The following DAB1 variants were observed in gnomAD, a reference collection of about 807,000 sequenced individuals.
DAB1 encodes the protein DAB adaptor protein 1.
In DAB1, 15 loss-of-function variants were observed where a neutral mutation model predicts 64.6. That is an observed-to-expected ratio of 0.23 (90% CI 0.16 to 0.36). The LOEUF (loss-of-function observed/expected upper bound fraction) is 0.36. Ranked by LOEUF, DAB1 falls within the 10% of genes least tolerant of loss-of-function variation. The pLI, the probability that DAB1 is intolerant of heterozygous loss-of-function variation, is 1.00. For missense variants in DAB1, 596 were observed against 706.7 expected (o/e 0.84, Z 1.78); for synonymous variants, 235 against 251.9 (o/e 0.93, Z 0.64).
intron 5 of DAB1, chr1:58,048,791 A>G: frequency 4.4e-6 from 5 of 1,144,976 alleles, no homozygotes; most frequent in Non-Finnish European, 6.5e-6. Flanking sequence ...TTCACAGTAT[A>G]GTATTTCTGA....
At chr1:57,005,716 T>C (rs1646042385) in intron 14 of DAB1, among the ~76,000 whole-genome samples, 1 of 152,192 alleles carries the variant, frequency 6.6e-6, no homozygotes. Flanking sequence ...TCTGTTTGAG[T>C]GTGTTTGAAT....
chr1:57,934,991 C>T (rs1372226683), intron 5 of DAB1, among the ~76,000 whole-genome samples: 1 of 152,204 alleles, frequency 6.6e-6, no homozygotes, highest in East Asian at 1.9e-4. Flanking sequence ...TTCAGTTTCA[C>T]TCACTTAGCA....
intron 4 of DAB1, among the ~76,000 whole-genome samples, chr1:57,126,067 GT>G: frequency 6.6e-6 from 1 of 152,002 alleles, no homozygotes; most frequent in Non-Finnish European, 1.5e-5. Flanking sequence ...GTTTCTCTTT[GT>G]TTAAAATTCT....
At chr1:57,131,083 T>G (rs1219337227) in intron 4 of DAB1, among the ~76,000 whole-genome samples, 2 of 152,184 alleles carry the variant, frequency 1.3e-5, no homozygotes, top group African/African-American at 2.4e-5. Context: ...CAAAAAGTTG[T>G]GACTACAAAA....
intron 2 of DAB1, among the ~76,000 whole-genome samples, chr1:58,518,666 C>T (rs1436694394): frequency 2.0e-5 from 3 of 151,206 alleles, no homozygotes; most frequent in Non-Finnish European, 4.4e-5. Flanking sequence ...GTTTTTTTTC[C>T]AAAAGCAACT....
intron 5 of DAB1, among the ~76,000 whole-genome samples, chr1:58,045,791 T>A (rs1647229326): frequency 7.4e-6 from 1 of 134,642 alleles, no homozygotes. Flanking sequence ...TTTTCCCTTT[T>A]TCCCCTTTGT....
intron 10 of DAB1, among the ~76,000 whole-genome samples, chr1:57,024,711 T>C (rs1646730834): frequency 6.6e-6 from 1 of 152,216 alleles, no homozygotes; most frequent in Admixed American, 6.5e-5. Context: ...ATGTCCTCTC[T>C]GGGACTCAGT....
intron 3 of DAB1, among the ~76,000 whole-genome samples, chr1:58,467,279 C>G (rs1432054443): frequency 6.6e-6 from 1 of 152,218 alleles, no homozygotes; most frequent in African/African-American, 2.4e-5. Context: ...GGCCTGGACC[C>G]CAGCTGCCCC....
intron 2 of DAB1, among the ~76,000 whole-genome samples, chr1:57,206,982 T>TTTTTTC (rs1462236864): frequency 7.2e-4 from 104 of 144,352 alleles, no homozygotes; most frequent in Middle Eastern, 3.5e-3. Context: ...TTTTTTTTTT[T>TTTTTTC]TTTTTTTTGG....
intron 5 of DAB1, among the ~76,000 whole-genome samples, chr1:58,013,850 T>C (rs1440313067): frequency 6.6e-6 from 1 of 151,794 alleles, no homozygotes; most frequent in East Asian, 1.9e-4. Flanking sequence ...AATGGGCAAA[T>C]CATGGACTTT....
At chr1:57,578,177 GGC>G in intron 7 of DAB1, among the ~76,000 whole-genome samples, 1 of 152,306 alleles carries the variant, frequency 6.6e-6, no homozygotes, top group South Asian at 2.1e-4. Flanking sequence ...GTTCTTCCAT[GGC>G]CATAGCAGGG....
At chr1:57,597,086 G>T (rs546138835) in intron 7 of DAB1, among the ~76,000 whole-genome samples, 2 of 152,164 alleles carry the variant, frequency 1.3e-5, no homozygotes, top group South Asian at 4.2e-4. Flanking sequence ...CAACACCCCC[G>T]CTCAGCTCAG....
At chr1:57,151,158 CT>C (rs146727367) in intron 2 of DAB1, among the ~76,000 whole-genome samples, 2 of 152,240 alleles carry the variant, frequency 1.3e-5, no homozygotes, top group African/African-American at 4.8e-5. Flanking sequence ...AAGTTAAAGC[CT>C]TTGAACATTG....
rs1337601889 is a variant in DAB1, at chr1:58,358,055, T to C, written n.258-14652A>G. On this transcript the variant is annotated intron_variant and non_coding_transcript_variant, in intron 3 of 20. Transcript: ENST00000485760. ...CTCCCTGCTGCTAAGACCTTTCTGC[T>C]GAACTGAAAGGCTCTGTTTACCTGT... 1.3e-5 allele frequency among the ~76,000 whole-genome samples: 2 copies of C among 152,234 alleles called. 1 individual carries two copies. The highest frequency in any genetic ancestry group is 4.1e-4 in the South Asian group (2 of 4,830).
Position 58,343,158 on chromosome 1 carries a change from A to G in DAB1, n.309+194T>C, listed in dbSNP as rs1643958884. Among the ~76,000 whole-genome samples the G allele has an allele frequency of 2.0e-5, 3 of 152,170 alleles. 1 individual carries two copies. Among genetic ancestry groups the G allele is most frequent in the South Asian group, 4.1e-4 (2 of 4,820 alleles). On this transcript the variant is annotated intron_variant and non_coding_transcript_variant, in intron 4 of 20. Transcript: ENST00000485760. ...TCTATAATGCTGGGGGTGACAGTCC[A>G]TGGTTCTGACTCATCTAGCAGTAGC... is the stretch of plus-strand genomic sequence containing the variant.
At chr1:58,026,496 G>A (rs1478756100) in intron 5 of DAB1, among the ~76,000 whole-genome samples, 1 of 152,068 alleles carries the variant, frequency 6.6e-6, no homozygotes, top group Non-Finnish European at 1.5e-5. Context: ...TACATCATCG[G>A]GATGCATCAT....
At chr1:57,568,732 C>T (rs925390261) in intron 7 of DAB1, among the ~76,000 whole-genome samples, 2 of 152,102 alleles carry the variant, frequency 1.3e-5, no homozygotes, top group Non-Finnish European at 2.9e-5. Flanking sequence ...AATGAGATAC[C>T]ATCTCACACC....
chr1:57,349,304 A>G (rs1678382728), intron 1 of DAB1, among the ~76,000 whole-genome samples: 1 of 152,072 alleles, frequency 6.6e-6, no homozygotes, highest in Non-Finnish European at 1.5e-5. Flanking sequence ...CTTCTCTTTA[A>G]CCTTGCTTTT....
Position 58,396,925 on chromosome 1 carries a change from C to T in DAB1, n.258-53522G>A, listed in dbSNP as rs181228034. Reference sequence around the variant, plus strand: ...AACAAAATACAAAAAACTAGCCGGGCGTAGTGGTGGGCTCCTGTAGTCCCA... The same window carrying T: ...AACAAAATACAAAAAACTAGCCGGGTGTAGTGGTGGGCTCCTGTAGTCCCA... On this transcript the variant is annotated intron_variant and non_coding_transcript_variant, in intron 3 of 20. Transcript: ENST00000485760. 4.2e-3 allele frequency among the ~76,000 whole-genome samples: 646 copies of T among 152,114 alleles called. 5 individuals carry two copies. Among genetic ancestry groups the T allele is most frequent in the African/African-American group, 0.014 (601 of 41,510 alleles).
Sources: gnomAD v4.1 joint callset for allele counts (sites outside exome capture counted in the v4.1 genomes callset) on GRCh38, gnomAD v4.1.1 for gene constraint, MANE v1.5 for transcripts, NCBI Gene and HGNC (gene_info 2026-07-23, HGNC 2026-07-21) for gene names.